Variants in GPC5 observed in about 807,000 individuals in gnomAD.
The protein encoded by GPC5 is glypican-5.
In GPC5, 47 loss-of-function variants were observed where a neutral mutation model predicts 53.9. That is an observed-to-expected ratio of 0.87 (90% CI 0.69 to 1.11). The LOEUF (loss-of-function observed/expected upper bound fraction) is 1.11. GPC5 is among the 50% of genes most tolerant of loss of function. GPC5 has a pLI of 0.00. For missense variants in GPC5, 748 were observed against 713.1 expected, an observed-to-expected ratio of 1.05 and a Z score of -0.56; for synonymous variants, 286 against 263.3, an observed-to-expected ratio of 1.09 and a Z score of -0.84.
At chr13:92,068,874 A>C (rs2041187894) in intron 6 of GPC5, among the ~76,000 whole-genome samples, 1 of 151,880 alleles carries the variant, frequency 6.6e-6, no homozygotes, top group African/African-American at 2.4e-5. Context: ...AGTGCACAAT[A>C]TAATATTATA....
chr13:91,926,680 C>G (rs942002603), intron 6 of GPC5, among the ~76,000 whole-genome samples: 1 of 152,264 alleles, frequency 6.6e-6, no homozygotes, highest in African/African-American at 2.4e-5. Flanking sequence ...CAGCAAGGAT[C>G]GAAGTCAAGG....
chr13:92,316,708 C>CAAT (rs1223122809), intron 7 of GPC5, among the ~76,000 whole-genome samples: 2 of 151,910 alleles, frequency 1.3e-5, no homozygotes, highest in South Asian at 4.1e-4. Context: ...TAAAGCAACT[C>CAAT]AAGATAAATT....
chr13:92,485,989 A>T (rs971087564), intron 7 of GPC5, among the ~76,000 whole-genome samples: 2 of 152,168 alleles, frequency 1.3e-5, no homozygotes, highest in Non-Finnish European at 2.9e-5. Context: ...AGAGATATTT[A>T]AAAATTATGT....
At chr13:92,421,698 C>CAAAAAAAAAAA (rs34055682) in intron 7 of GPC5, among the ~76,000 whole-genome samples, 50 of 69,484 alleles carry the variant, frequency 7.2e-4, no homozygotes, top group African/African-American at 2.7e-3. Flanking sequence ...GACTCCGTCT[C>CAAAAAAAAAAA]AAAAAAAAAA....
intron 2 of GPC5, among the ~76,000 whole-genome samples, chr13:91,675,732 G>T (rs922666651): frequency 4.6e-5 from 7 of 152,126 alleles, no homozygotes; most frequent in African/African-American, 1.7e-4. Context: ...TAGAAAAAAT[G>T]GACTGTGTGA....
chr13:92,836,018 C>T (rs1363641758), intron 7 of GPC5, among the ~76,000 whole-genome samples: 1 of 151,964 alleles, frequency 6.6e-6, no homozygotes, highest in Admixed American at 6.5e-5. Context: ...CTTGTCTCCA[C>T]TGTTTATTGA....
At chr13:92,204,551 C>T (rs1014924810) in intron 7 of GPC5, among the ~76,000 whole-genome samples, 2 of 152,162 alleles carry the variant, frequency 1.3e-5, no homozygotes, top group African/African-American at 4.8e-5. Context: ...ACAACACTAC[C>T]CTCTCTTTTG....
At chr13:92,261,076 A>G (rs914566785) in intron 7 of GPC5, among the ~76,000 whole-genome samples, 1 of 152,188 alleles carries the variant, frequency 6.6e-6, no homozygotes, top group Non-Finnish European at 1.5e-5. Flanking sequence ...AGAACATTAT[A>G]ACCATGTTGT....
chr13:91,671,674 G>T (rs1283114971), intron 2 of GPC5, among the ~76,000 whole-genome samples: 1 of 147,726 alleles, frequency 6.8e-6, no homozygotes, highest in East Asian at 2.0e-4. Flanking sequence ...TAGATTCAAT[G>T]CTATTCCCAT....
chr13:92,196,515 T>C (rs1255010694), intron 7 of GPC5, among the ~76,000 whole-genome samples: 1 of 152,218 alleles, frequency 6.6e-6, no homozygotes, highest in East Asian at 1.9e-4. Flanking sequence ...AGCCCTAGAA[T>C]ATAATTACTG....
At chr13:92,300,808 T>C (rs1045152732) in intron 7 of GPC5, among the ~76,000 whole-genome samples, 1 of 152,230 alleles carries the variant, frequency 6.6e-6, no homozygotes, top group African/African-American at 2.4e-5. Flanking sequence ...CAACAACTTA[T>C]CTTCCTTAGG....
At chr13:92,295,220 T>C (rs2043026514) in intron 7 of GPC5, among the ~76,000 whole-genome samples, 1 of 152,174 alleles carries the variant, frequency 6.6e-6, no homozygotes. Flanking sequence ...GTTGCATCAC[T>C]ATTGTCATTC....
chr13:91,761,454 C>A (rs2037410190), intron 5 of GPC5, among the ~76,000 whole-genome samples: 1 of 152,104 alleles, frequency 6.6e-6, no homozygotes, highest in Non-Finnish European at 1.5e-5. Flanking sequence ...ATCCCACAGG[C>A]TGGGAGCTCA....
intron 3 of GPC5, 111 bp downstream of exon 3, chr13:91,693,992 A>G (rs1328335244): frequency 3.7e-6 from 3 of 820,384 alleles, no homozygotes; most frequent in Non-Finnish European, 5.6e-6. Flanking sequence ...TCAATCCAAG[A>G]TATTATTTTT....
At chr13:91,479,867 G>A (rs1883207781) in intron 2 of GPC5, among the ~76,000 whole-genome samples, 1 of 151,796 alleles carries the variant, frequency 6.6e-6, no homozygotes, top group Non-Finnish European at 1.5e-5. Context: ...TATTTTCCGT[G>A]GCACTTAATA....
chr13:91,428,301 C>G (rs2139012246), intron 1 of GPC5, among the ~76,000 whole-genome samples: 1 of 152,166 alleles, frequency 6.6e-6, no homozygotes, highest in East Asian at 1.9e-4. Flanking sequence ...CCCTCAGCAG[C>G]AAGAGGAGAC....
intron 7 of GPC5, among the ~76,000 whole-genome samples, chr13:92,239,305 A>G (rs1197978984): frequency 6.6e-6 from 1 of 152,006 alleles, no homozygotes; most frequent in Non-Finnish European, 1.5e-5. Context: ...GAGTTTTGCC[A>G]TCTTAAAAAT....
intron 7 of GPC5, among the ~76,000 whole-genome samples, chr13:92,367,952 A>G (rs2043619023): frequency 6.6e-6 from 1 of 152,082 alleles, no homozygotes; most frequent in Non-Finnish European, 1.5e-5. Context: ...AACCCTTCAA[A>G]TTACTGAAGT....
intron 7 of GPC5, among the ~76,000 whole-genome samples, chr13:92,534,450 A>G (rs1384012181): frequency 6.6e-6 from 1 of 152,194 alleles, no homozygotes; most frequent in Non-Finnish European, 1.5e-5. Flanking sequence ...TGTATTTTAT[A>G]TGTGTTCTGC....
Sources: gnomAD v4.1 joint callset for allele counts (sites outside exome capture counted in the v4.1 genomes callset) on GRCh38, gnomAD v4.1.1 for gene constraint, MANE v1.5 for transcripts, NCBI Gene and HGNC (gene_info 2026-07-23, HGNC 2026-07-21) for gene names.